Variants in NDST3 observed in about 807,000 individuals in gnomAD.
The protein encoded by NDST3 is N-deacetylase and N-sulfotransferase 3.
NDST3 carries 58 observed loss-of-function variants against 96.1 expected under a neutral mutation model. The observed-to-expected ratio is 0.60, with a 90% CI of 0.49 to 0.75. The LOEUF (loss-of-function observed/expected upper bound fraction) is 0.75, where lower values mean the gene tolerates loss of function less well. Among genes scored for constraint, NDST3 ranks in the 30% least tolerant of loss-of-function variants. NDST3 has a pLI of 0.00. For missense variants in NDST3, 788 were observed against 1,034.2 expected (o/e 0.76, Z 3.27); for synonymous variants, 333 against 359.7 (o/e 0.93, Z 0.84).
chr4:118,172,271 C>A (rs1017463168), intron 6 of NDST3, among the ~76,000 whole-genome samples: 2 of 152,116 alleles, frequency 1.3e-5, no homozygotes, highest in Non-Finnish European at 2.9e-5. Context: ...TGCTGTTTTC[C>A]AACTTGGCAA....
intron 1 of NDST3, among the ~76,000 whole-genome samples, chr4:118,043,804 G>A (rs1724600315): frequency 1.3e-5 from 2 of 152,224 alleles, no homozygotes; most frequent in Admixed American, 1.3e-4. Context: ...ACCAGAGACT[G>A]AAGTTGGCAT....
chr4:118,215,423 G>C (rs2125989089), intron 6 of NDST3, among the ~76,000 whole-genome samples: 1 of 152,182 alleles, frequency 6.6e-6, no homozygotes, highest in East Asian at 1.9e-4. Flanking sequence ...CCTTTTGGAA[G>C]GCATTTTTCA....
At chr4:118,034,966 T>TA (rs767790962) in intron 1 of NDST3, among the ~76,000 whole-genome samples, 4 of 152,204 alleles carry the variant, frequency 2.6e-5, no homozygotes, top group Non-Finnish European at 1.5e-5. Flanking sequence ...CCTGCCTATC[T>TA]ACACAGTAAT....
chr4:118,079,994 T>G (rs1368813586), intron 2 of NDST3, among the ~76,000 whole-genome samples: 2 of 152,150 alleles, frequency 1.3e-5, no homozygotes, highest in Non-Finnish European at 2.9e-5. Context: ...GAGAAGAGAC[T>G]GTACTGCAGT....
intron 6 of NDST3, among the ~76,000 whole-genome samples, chr4:118,219,959 G>T (rs1047022547): frequency 2.0e-5 from 3 of 151,840 alleles, no homozygotes; most frequent in African/African-American, 7.3e-5. Flanking sequence ...AAACCATAAT[G>T]AGATACCATC....
intron 2 of NDST3, among the ~76,000 whole-genome samples, chr4:118,089,613 T>C (rs1259623501): frequency 6.6e-6 from 1 of 151,970 alleles, no homozygotes; most frequent in Non-Finnish European, 1.5e-5. Flanking sequence ...TCTCAGATAT[T>C]GGTTAATTAT....
intron 1 of NDST3, among the ~76,000 whole-genome samples, chr4:118,049,794 G>A (rs1220330406): frequency 6.6e-6 from 1 of 150,970 alleles, no homozygotes; most frequent in African/African-American, 2.4e-5. Flanking sequence ...CAGCCGAATT[G>A]TACCAGACAT....
intron 6 of NDST3, among the ~76,000 whole-genome samples, chr4:118,209,233 G>A (rs1738633148): frequency 6.6e-6 from 1 of 152,096 alleles, no homozygotes; most frequent in African/African-American, 2.4e-5. Context: ...GTGCTATGCT[G>A]CTGCTTAAAA....
At chr4:118,065,361 AT>A (rs1726224748) in intron 2 of NDST3, among the ~76,000 whole-genome samples, 1 of 152,076 alleles carries the variant, frequency 6.6e-6, no homozygotes, top group Non-Finnish European at 1.5e-5. Flanking sequence ...AAATTAAATT[AT>A]TGTGCTGTTA....
At chr4:118,139,924 G>C (rs1733431267) in intron 5 of NDST3, among the ~76,000 whole-genome samples, 1 of 152,002 alleles carries the variant, frequency 6.6e-6, no homozygotes, top group Non-Finnish European at 1.5e-5. Flanking sequence ...TCTATTTACA[G>C]GTTCCATCCA....
intron 6 of NDST3, chr4:118,193,400 A>G: frequency 1.6e-6 from 1 of 634,126 alleles, no homozygotes; most frequent in Non-Finnish European, 2.6e-6. Context: ...GCTGGTGGAG[A>G]GGGGCTATGC....
chr4:118,208,626 A>G (rs1368176931), intron 6 of NDST3, among the ~76,000 whole-genome samples: 1 of 144,092 alleles, frequency 6.9e-6, no homozygotes, highest in South Asian at 2.3e-4. Flanking sequence ...ATAAAGGAAC[A>G]GTTCATGGGT....
rs548264547 is a variant in NDST3 at position 118,203,018 on chromosome 4, A to G, written c.1540-21473A>G. ...GCCTAGTCTGTTGAGGGTTTTTAAC[A>G]TGAAGGGATGTTGGATTTCATCAAA... On this transcript the variant is annotated intron_variant, in intron 6 of 13. Transcript: ENST00000296499. 7.2e-5 allele frequency among the ~76,000 whole-genome samples: 11 copies of G among 152,306 alleles called. No individual in the cohort carries two copies. In the South Asian group the frequency reaches 2.3e-3, roughly 32 times the overall value.
intron 5 of NDST3, among the ~76,000 whole-genome samples, 178 bp from the exon 6 acceptor site, chr4:118,143,378 A>G (rs1411254856): frequency 6.6e-6 from 1 of 152,060 alleles, no homozygotes; most frequent in Admixed American, 6.6e-5. Context: ...TTTCTTCACT[A>G]TTCCTTCCAT....
At chr4:118,241,504 C>T (rs1353414700) in intron 11 of NDST3, among the ~76,000 whole-genome samples, 1 of 42,928 alleles carries the variant, frequency 2.3e-5, no homozygotes, top group Non-Finnish European at 1.1e-4. Context: ...GCATAACAAG[C>T]AACTTCTTCT....
rs1299331797 is a variant in NDST3 at position 118,238,203 on chromosome 4, GAAAGAAAGAAAGAAAGAAAGAAAA to G, written c.2118+985_2118+1008del. Among the ~76,000 whole-genome samples, 491 of 140,428 alleles carry G rather than the reference GAAAGAAAGAAAGAAAGAAAGAAAA, an allele frequency of 3.5e-3. 6 individuals carry two copies. The highest frequency in any genetic ancestry group is 0.012 in the African/African-American group (457 of 37,414). 92.1% of individuals were successfully genotyped at this position (140,428 alleles called of 152,430 possible). ...AGAAAGAAAGAAAGAAAGAAAGAAA[GAAAGAAAGAAAGAAAGAAAGAAAA>G]AGAAAGAAGAAAAAAAGAAAGAAAA... On this transcript the variant is annotated intron_variant, in intron 10 of 13. Transcript: ENST00000296499.
Position 118,224,390 on chromosome 4 carries a change from T to C in NDST3, c.1540-101T>C, listed in dbSNP as rs1739737308. Reference sequence around the variant, plus strand: ...AAACACGCCATCAACTGAAACCCTGTGCAGACTACTTAAGGAAAAAAACTA... The same window carrying C: ...AAACACGCCATCAACTGAAACCCTGCGCAGACTACTTAAGGAAAAAAACTA... On this transcript the variant is annotated intron_variant, in intron 6 of 13. Coordinates refer to ENST00000296499, the MANE Select transcript of NDST3 (RefSeq NM_004784.3). 3.8e-6 allele frequency: 4 copies of C among 1,044,480 alleles called. No homozygotes were observed. In the South Asian group the frequency reaches 8.3e-5, roughly 22 times the overall value. The allele number at this position is 1,044,480 out of a possible 1,614,324, so 64.7% of individuals were successfully genotyped here.
chr4:118,050,618 T>G (rs1725023251), intron 1 of NDST3, among the ~76,000 whole-genome samples: 1 of 152,006 alleles, frequency 6.6e-6, no homozygotes, highest in African/African-American at 2.4e-5. Context: ...TACAATCCCA[T>G]GTACAATAGC....
At position 118,202,632 on chromosome 4, in the gene NDST3, T is replaced by C. The variant is rs188674782; in HGVS notation, c.1540-21859T>C. 5.3e-5 allele frequency among the ~76,000 whole-genome samples: 8 copies of C among 152,322 alleles called. No homozygotes were observed. The East Asian group carries it at 1.2e-3, about 22-fold the overall frequency. On this transcript the variant is annotated intron_variant, in intron 6 of 13. Transcript: ENST00000296499. ...TCTCAGCCTGGACTTTGTTGGCATA[T>C]AGAAAATGCTACTGATTTTTATACA... is the stretch of plus-strand genomic sequence containing the variant.
Sources: allele counts gnomAD v4.1 joint callset (sites outside exome capture counted in the v4.1 genomes callset), GRCh38; gene constraint gnomAD v4.1.1; transcripts MANE v1.5; gene names NCBI Gene and HGNC (gene_info 2026-07-23, HGNC 2026-07-21).